Variants in DCC observed in about 807,000 individuals in gnomAD.
The protein encoded by DCC is netrin receptor DCC.
Under a neutral mutation model 172.5 loss-of-function variants are expected in DCC, and 58 were observed. The observed-to-expected ratio is 0.34, with a 90% CI of 0.27 to 0.42. The LOEUF is 0.42. Ranked by LOEUF, DCC falls within the 10% of genes least tolerant of loss-of-function variation. DCC has a pLI of 1.00. For missense variants in DCC, 1,740 were observed against 1,791.0 expected (o/e 0.97, Z 0.51); for synonymous variants, 709 against 644.5 (o/e 1.10, Z -1.52).
At chr18:52,514,791 T>C (rs577120497) in intron 1 of DCC, among the ~76,000 whole-genome samples, 2 of 152,346 alleles carry the variant, frequency 1.3e-5, no homozygotes, top group East Asian at 1.9e-4. Context: ...ATAAGTAGCT[T>C]GATCGAAAAT....
chr18:52,391,338 T>A (rs1986023211), intron 1 of DCC, among the ~76,000 whole-genome samples: 1 of 152,064 alleles, frequency 6.6e-6, no homozygotes, highest in Non-Finnish European at 1.5e-5. Flanking sequence ...GACTGTGTGT[T>A]TTTTAAGCCA....
At chr18:53,173,195 G>A (rs908845299) in intron 8 of DCC, among the ~76,000 whole-genome samples, 2 of 152,020 alleles carry the variant, frequency 1.3e-5, no homozygotes, top group African/African-American at 4.8e-5. Flanking sequence ...GCAAATGGGA[G>A]CATTGTTCCA....
intron 2 of DCC, among the ~76,000 whole-genome samples, chr18:52,881,037 G>T (rs1943116): frequency 0.97 from 147,655 of 152,262 alleles, 71,778 homozygotes; most frequent in Middle Eastern, 1. Context: ...ACCTGTCTTT[G>T]GGATAAAAGC....
At chr18:53,038,543 C>T (rs1045985152) in intron 5 of DCC, among the ~76,000 whole-genome samples, 9 of 151,960 alleles carry the variant, frequency 5.9e-5, no homozygotes, top group Admixed American at 2.0e-4. Context: ...GTAGAAGCTC[C>T]GCAGAACTTT....
chr18:52,998,713 T>A (rs1212477710), intron 5 of DCC, among the ~76,000 whole-genome samples: 1 of 152,104 alleles, frequency 6.6e-6, no homozygotes, highest in Non-Finnish European at 1.5e-5. Context: ...TCAACAATGA[T>A]CCTTGCTTTG....
intron 14 of DCC, among the ~76,000 whole-genome samples, chr18:53,336,516 A>G (rs1347301315): frequency 2.6e-5 from 4 of 152,122 alleles, no homozygotes. Flanking sequence ...TACTACCTTG[A>G]AGGAACTGTC....
chr18:52,997,071 AAAAC>A (rs1258086449), intron 5 of DCC, among the ~76,000 whole-genome samples: 1 of 152,118 alleles, frequency 6.6e-6, no homozygotes, highest in Admixed American at 6.6e-5. Flanking sequence ...AAAACAAACA[AAAAC>A]AAAAGCCAAA....
chr18:53,387,023 C>CG (rs1908215930), intron 16 of DCC, among the ~76,000 whole-genome samples: 1 of 152,186 alleles, frequency 6.6e-6, no homozygotes, highest in African/African-American at 2.4e-5. Flanking sequence ...TCACACCCTT[C>CG]GGACGTCGTT....
At chr18:52,610,226 T>TATATAA (rs2034245397) in intron 1 of DCC, among the ~76,000 whole-genome samples, 1 of 73,094 alleles carries the variant, frequency 1.4e-5, no homozygotes, top group Non-Finnish European at 2.5e-5. Context: ...TATATATATA[T>TATATAA]AAAATTAGCC....
chr18:53,335,753 C>T (rs541121914), intron 14 of DCC, among the ~76,000 whole-genome samples: 7 of 152,036 alleles, frequency 4.6e-5, no homozygotes, highest in African/African-American at 1.4e-4. Context: ...AAGACATACC[C>T]GAGACAGGGC....
intron 1 of DCC, among the ~76,000 whole-genome samples, chr18:52,607,829 A>T (rs1037689088): frequency 1.3e-5 from 2 of 152,156 alleles, no homozygotes; most frequent in African/African-American, 4.8e-5. Context: ...CAAACAAAAG[A>T]TGATTAGAGA....
At chr18:52,588,485 A>G (rs1413785265) in intron 1 of DCC, among the ~76,000 whole-genome samples, 2 of 152,236 alleles carry the variant, frequency 1.3e-5, no homozygotes, top group Admixed American at 1.3e-4. Context: ...ACTAGAGAAC[A>G]AAAAATCAAA....
chr18:53,092,063 CAGT>C (rs539947334), intron 7 of DCC, among the ~76,000 whole-genome samples: 110 of 152,136 alleles, frequency 7.2e-4, no homozygotes, highest in African/African-American at 2.5e-3. Context: ...AAATTCAATA[CAGT>C]AGTAGAATGC....
intron 7 of DCC, among the ~76,000 whole-genome samples, chr18:53,155,856 G>A (rs558090930): frequency 7.2e-5 from 11 of 152,190 alleles, no homozygotes; most frequent in Middle Eastern, 3.4e-3. Flanking sequence ...GTGAAACCCT[G>A]TCTCTACCAA....
At chr18:52,654,080 G>A (rs1189825406) in intron 1 of DCC, among the ~76,000 whole-genome samples, 1 of 152,040 alleles carries the variant, frequency 6.6e-6, no homozygotes, top group Admixed American at 6.6e-5. Flanking sequence ...ACCCTTATTT[G>A]GAAACCTTAA....
At chr18:52,873,940 G>A (rs1336684166) in intron 2 of DCC, among the ~76,000 whole-genome samples, 1 of 152,140 alleles carries the variant, frequency 6.6e-6, no homozygotes, top group East Asian at 1.9e-4. Flanking sequence ...GAAGGTGTAA[G>A]GATTTGATCT....
At chr18:52,455,644 T>C (rs1316198267) in intron 1 of DCC, among the ~76,000 whole-genome samples, 1 of 152,176 alleles carries the variant, frequency 6.6e-6, no homozygotes, top group Non-Finnish European at 1.5e-5. Context: ...TGGTTGTAAT[T>C]CCAGTTTTTC....
intron 1 of DCC, among the ~76,000 whole-genome samples, chr18:52,585,230 T>A (rs1182742884): frequency 6.6e-6 from 1 of 152,316 alleles, no homozygotes; most frequent in South Asian, 2.1e-4. Flanking sequence ...GACAGTCGAA[T>A]GAGGAGTCAA....
At chr18:52,659,813 A>G (rs551379112) in intron 1 of DCC, among the ~76,000 whole-genome samples, 7 of 152,176 alleles carry the variant, frequency 4.6e-5, no homozygotes, top group African/African-American at 1.7e-4. Context: ...CCTTGCAACA[A>G]TGCACGTTCA....
Sources: gnomAD v4.1 joint callset for allele counts (sites outside exome capture counted in the v4.1 genomes callset) on GRCh38, gnomAD v4.1.1 for gene constraint, MANE v1.5 for transcripts, NCBI Gene and HGNC (gene_info 2026-07-23, HGNC 2026-07-21) for gene names.